DISC1: variants seen among roughly 807,000 people sequenced by gnomAD.
DISC1 encodes disrupted in schizophrenia 1 protein.
In DISC1, 57 loss-of-function variants were observed where a neutral mutation model predicts 84.5. That is an observed-to-expected ratio of 0.67 (90% CI 0.55 to 0.84). The LOEUF (loss-of-function observed/expected upper bound fraction) is 0.84. DISC1 is among the 40% of genes least tolerant of loss of function. DISC1 has a pLI of 0.00. For synonymous variants in DISC1, 411 were observed against 415.2 expected (o/e 0.99, Z 0.12); for missense variants, 1,000 against 1,057.8 (o/e 0.95, Z 0.76).
chr1:231,750,442 G>A, intron 4 of DISC1: 1 of 1,019,874 alleles, frequency 9.8e-7, no homozygotes. Context: ...TAAACAGATG[G>A]TCCCCTCTGA....
At chr1:231,959,940 C>T (rs901216116) in intron 10 of DISC1, among the ~76,000 whole-genome samples, 3 of 152,086 alleles carry the variant, frequency 2.0e-5, no homozygotes, top group African/African-American at 7.2e-5. Flanking sequence ...CTGCAGCTGC[C>T]ATTGTTTTAG....
chr1:231,992,530 C>G (rs1405663618), intron 10 of DISC1, among the ~76,000 whole-genome samples: 1 of 152,130 alleles, frequency 6.6e-6, no homozygotes, highest in Admixed American at 6.5e-5. Context: ...AAATTTTTCA[C>G]TGTTTTTCAC....
At chr1:232,023,593 G>A (rs909238185) in intron 11 of DISC1, among the ~76,000 whole-genome samples, 10 of 152,106 alleles carry the variant, frequency 6.6e-5, no homozygotes, top group African/African-American at 1.2e-4. Context: ...CAATCTGCAC[G>A]TAATTTAAAA....
At chr1:231,669,770 G>A (rs568968268) in intron 1 of DISC1, among the ~76,000 whole-genome samples, 12 of 152,296 alleles carry the variant, frequency 7.9e-5, no homozygotes, top group South Asian at 2.1e-4. Flanking sequence ...TATGCTGTCG[G>A]TGGGAGTGTA....
chr1:231,713,062 G>T lies in DISC1; in HGVS notation c.1117+11038G>T, dbSNP rs192323819. ...AGTGTAAGGTTGGGTAAGTATTGTA[G>T]GAGTTCCCCAGCACAGAGCCAATCT... On this transcript the variant is annotated intron_variant, in intron 3 of 12. Coordinates refer to ENST00000439617, the MANE Select transcript of DISC1 (RefSeq NM_018662.3). Among the ~76,000 whole-genome samples, 17 of 152,268 alleles carry T rather than the reference G, an allele frequency of 1.1e-4. No homozygotes were observed. The East Asian group carries it at 3.3e-3, about 29-fold the overall frequency.
chr1:231,793,812 A>C (rs1247005991), intron 6 of DISC1, among the ~76,000 whole-genome samples: 2 of 152,210 alleles, frequency 1.3e-5, no homozygotes, highest in East Asian at 3.8e-4. Context: ...TATTTCTTTA[A>C]AAATATTTTA....
At chr1:231,834,253 G>C (rs1163146647) in intron 9 of DISC1, among the ~76,000 whole-genome samples, 1 of 152,090 alleles carries the variant, frequency 6.6e-6, no homozygotes, top group Admixed American at 6.6e-5. Context: ...AGTGGAGGCC[G>C]AGGAAGAATT....
At chr1:231,755,761 T>A (rs1282868612) in intron 4 of DISC1, among the ~76,000 whole-genome samples, 1 of 152,174 alleles carries the variant, frequency 6.6e-6, no homozygotes, top group Admixed American at 6.6e-5. Context: ...TTTCCATCCC[T>A]CCCCACAGTC....
intron 9 of DISC1, among the ~76,000 whole-genome samples, chr1:231,951,621 T>C (rs1658381132): frequency 6.6e-6 from 1 of 152,182 alleles, no homozygotes; most frequent in South Asian, 2.1e-4. Flanking sequence ...GCTGCTTTTA[T>C]CATTGAATCT....
chr1:231,711,526 A>AT (rs776271226), intron 3 of DISC1, among the ~76,000 whole-genome samples: 3,187 of 141,932 alleles, frequency 0.022, 104 homozygotes, highest in African/African-American at 0.073. Context: ...TGCCTGGCTA[A>AT]TTTTTTTTTT....
intron 9 of DISC1, among the ~76,000 whole-genome samples, chr1:231,900,343 A>C (rs900778471): frequency 6.6e-6 from 1 of 152,212 alleles, no homozygotes. Flanking sequence ...GCAAGAAATA[A>C]ATTTTATCAC....
At chr1:231,916,461 C>A (rs1272708302) in intron 9 of DISC1, among the ~76,000 whole-genome samples, 1 of 151,512 alleles carries the variant, frequency 6.6e-6, no homozygotes, top group Non-Finnish European at 1.5e-5. Context: ...GAGACCATCC[C>A]GGCTAAAGCG....
intron 9 of DISC1, among the ~76,000 whole-genome samples, chr1:231,889,185 G>A (rs747457248): frequency 1.3e-5 from 2 of 152,136 alleles, no homozygotes; most frequent in Admixed American, 1.3e-4. Flanking sequence ...GAGAGTTCTG[G>A]GTCTGCCTCT....
chr1:231,789,378 G>A (rs2078141164), intron 6 of DISC1, among the ~76,000 whole-genome samples: 1 of 152,184 alleles, frequency 6.6e-6, no homozygotes. Flanking sequence ...GATGAGAGAT[G>A]GGCCATATAG....
chr1:231,925,600 C>A (rs1057060193), intron 9 of DISC1, among the ~76,000 whole-genome samples: 1 of 152,170 alleles, frequency 6.6e-6, no homozygotes, highest in Non-Finnish European at 1.5e-5. Flanking sequence ...CAAATCCTAA[C>A]CCCTGATACC....
intron 4 of DISC1, among the ~76,000 whole-genome samples, chr1:231,759,917 A>G (rs971481946): frequency 6.6e-6 from 1 of 152,140 alleles, no homozygotes; most frequent in African/African-American, 2.4e-5. Flanking sequence ...ACTTCTCAGA[A>G]CTTGTTTTGG....
chr1:231,919,499 C>T (rs2089866089), intron 9 of DISC1, among the ~76,000 whole-genome samples: 1 of 152,210 alleles, frequency 6.6e-6, no homozygotes, highest in Non-Finnish European at 1.5e-5. Context: ...TCACAGCAGT[C>T]TAAGTGTATG....
chr1:231,767,454 C>T (rs1455847234), intron 5 of DISC1, among the ~76,000 whole-genome samples, 185 bp downstream of exon 5: 1 of 152,160 alleles, frequency 6.6e-6, no homozygotes, highest in East Asian at 1.9e-4. Flanking sequence ...GAACCCCATG[C>T]CTGGCTAAAT....
At chr1:231,925,901 C>T (rs1298229830) in intron 9 of DISC1, 2 of 152,230 alleles carry the variant, frequency 1.3e-5, no homozygotes, top group African/African-American at 4.8e-5. Flanking sequence ...AAGGAACCCA[C>T]TGGACTAACA....
Sources: gnomAD v4.1 joint callset for allele counts (sites outside exome capture counted in the v4.1 genomes callset) on GRCh38, gnomAD v4.1.1 for gene constraint, MANE v1.5 for transcripts, NCBI Gene and HGNC (gene_info 2026-07-23, HGNC 2026-07-21) for gene names.